The following ZHX2 variants were observed in gnomAD, a reference collection of about 807,000 sequenced individuals.
ZHX2 encodes the protein zinc fingers and homeoboxes protein 2.
In ZHX2, 6 loss-of-function variants were observed where a neutral mutation model predicts 21.9. That is an observed-to-expected ratio of 0.27 (90% CI 0.15 to 0.54). ZHX2 has a LOEUF of 0.54. Ranked by LOEUF, ZHX2 falls within the 20% of genes least tolerant of loss-of-function variation. The probability of loss-of-function intolerance (pLI) is 0.95; values close to 1 mark genes in which losing one functional copy is unlikely to be tolerated. For missense variants in ZHX2, 908 were observed against 1,090.7 expected (o/e 0.83, Z 2.36); for synonymous variants, 434 against 437.1 (o/e 0.99, Z 0.09).
chr8:122,904,085 C>T (rs1292848191), intron 2 of ZHX2, among the ~76,000 whole-genome samples: 1 of 152,024 alleles, frequency 6.6e-6, no homozygotes, highest in Non-Finnish European at 1.5e-5. Flanking sequence ...CTTTGTTTGG[C>T]TTGGTTCGTT....
At chr8:122,815,932 T>C (rs2130620341) in intron 1 of ZHX2, among the ~76,000 whole-genome samples, 1 of 151,910 alleles carries the variant, frequency 6.6e-6, no homozygotes, top group African/African-American at 2.4e-5. Flanking sequence ...ATACAAAAAT[T>C]AGCCAGGTGT....
intron 2 of ZHX2, among the ~76,000 whole-genome samples, chr8:122,903,412 C>A (rs192018469): frequency 2.6e-5 from 4 of 152,282 alleles, no homozygotes; most frequent in Non-Finnish European, 2.9e-5. Flanking sequence ...ATCTAACTGA[C>A]CTTCAGTAAT....
chr8:122,836,654 G>A (rs190524189), intron 1 of ZHX2, among the ~76,000 whole-genome samples: 3 of 152,356 alleles, frequency 2.0e-5, no homozygotes, highest in African/African-American at 4.8e-5. Flanking sequence ...CTAGTCTGAC[G>A]TAACTGCTAC....
chr8:122,955,078 G>A (rs540507736), intron 3 of ZHX2, among the ~76,000 whole-genome samples: 1 of 144,802 alleles, frequency 6.9e-6, no homozygotes, highest in African/African-American at 2.6e-5. Flanking sequence ...CCGGGGGGGG[G>A]GGGGTGGCAG....
At chr8:122,959,480 G>A (rs577543008) in intron 3 of ZHX2, among the ~76,000 whole-genome samples, 9 of 152,268 alleles carry the variant, frequency 5.9e-5, no homozygotes, top group African/African-American at 2.2e-4. Flanking sequence ...TCCTGTACCA[G>A]ACCCTTACCG....
intron 1 of ZHX2, among the ~76,000 whole-genome samples, chr8:122,811,227 A>G (rs1305305893): frequency 2.0e-5 from 3 of 152,008 alleles, no homozygotes; most frequent in Admixed American, 2.0e-4. Context: ...AAAAAAATAC[A>G]AAAATAGCTG....
At chr8:122,856,329 T>C (rs922814425) in intron 1 of ZHX2, among the ~76,000 whole-genome samples, 1 of 152,182 alleles carries the variant, frequency 6.6e-6, no homozygotes, top group Non-Finnish European at 1.5e-5. Context: ...TTGTCAAAGA[T>C]GATGTCTGCA....
intron 1 of ZHX2, among the ~76,000 whole-genome samples, chr8:122,847,714 C>A (rs556385118): frequency 5.9e-5 from 9 of 152,178 alleles, no homozygotes; most frequent in Non-Finnish European, 1.3e-4. Context: ...CCAAAGCTGG[C>A]GCCAGGGCCC....
At chr8:122,919,698 C>T (rs916867491) in intron 2 of ZHX2, among the ~76,000 whole-genome samples, 2 of 152,192 alleles carry the variant, frequency 1.3e-5, no homozygotes, top group Non-Finnish European at 2.9e-5. Flanking sequence ...TGGTAGCATC[C>T]CGTTTTGCAG....
At chr8:122,923,731 T>C (rs1820789453) in intron 2 of ZHX2, among the ~76,000 whole-genome samples, 3 of 152,148 alleles carry the variant, frequency 2.0e-5, no homozygotes, top group Admixed American at 2.0e-4. Context: ...ACATCACTCA[T>C]CACAGGCAAA....
At chr8:122,794,010 G>A (rs913105806) in intron 1 of ZHX2, among the ~76,000 whole-genome samples, 4 of 152,190 alleles carry the variant, frequency 2.6e-5, no homozygotes, top group African/African-American at 9.7e-5. Context: ...CGTACATGTG[G>A]GTTGGTGCCA....
chr8:122,883,557 A>G (rs908841221), intron 2 of ZHX2, among the ~76,000 whole-genome samples: 4 of 152,342 alleles, frequency 2.6e-5, no homozygotes, highest in East Asian at 3.9e-4. Flanking sequence ...CCACCACACT[A>G]TGCAGAATTG....
At chr8:122,896,225 C>CT (rs67928380) in intron 2 of ZHX2, among the ~76,000 whole-genome samples, 8,623 of 142,848 alleles carry the variant, frequency 0.06, 640 homozygotes, top group African/African-American at 0.18. Context: ...TACTAGGACT[C>CT]TTTTTTTTTT....
rs1563603957 is a variant in ZHX2 at position 122,953,445 on chromosome 8, C to T, written c.1935C>T (p.Ser645=). 1 of 1,614,220 alleles carries T rather than the reference C, an allele frequency of 6.2e-7. No homozygotes were observed. Among genetic ancestry groups the T allele is most frequent in the Non-Finnish European group, 8.5e-7 (1 of 1,180,050 alleles). The change falls in exon 3 of 4, where the codon AGC becomes AGT. Residue 645 remains serine (S), a synonymous_variant. Coordinates refer to ENST00000314393, the MANE Select transcript of ZHX2 (RefSeq NM_014943.5). This position sits in a 1 kb window ranked among gnomAD's most constrained non-coding sequence, Gnocchi z 4.6. ...AAGAACAGGTTCATCTCCTGAGGAG[C>T]ACGTTTGCAAGAACCCAGTGGCCTA... ...KSQEQVHLLR[S]TFARTQWPTP...
chr8:122,851,664 C>T (rs1818904545), intron 1 of ZHX2, among the ~76,000 whole-genome samples: 1 of 152,232 alleles, frequency 6.6e-6, no homozygotes, highest in African/African-American at 2.4e-5. Context: ...GGGCATTATT[C>T]TGGGCCAGGA....
chr8:122,866,976 C>T (rs1225050208), intron 2 of ZHX2, among the ~76,000 whole-genome samples: 1 of 146,866 alleles, frequency 6.8e-6, no homozygotes, highest in Non-Finnish European at 1.5e-5. Context: ...AGGTGCCTGC[C>T]ACCATGCCAG....
intron 1 of ZHX2, among the ~76,000 whole-genome samples, chr8:122,846,817 C>T (rs777633604): frequency 6.6e-6 from 1 of 151,946 alleles, no homozygotes; most frequent in Non-Finnish European, 1.5e-5. Flanking sequence ...AGTGTCATTC[C>T]GTTAAAAGAC....
At chr8:122,880,480 G>A (rs917342653) in intron 2 of ZHX2, among the ~76,000 whole-genome samples, 1 of 151,884 alleles carries the variant, frequency 6.6e-6, no homozygotes, top group Non-Finnish European at 1.5e-5. Flanking sequence ...TTGAGATAGA[G>A]ATGCTCATGA....
chr8:122,783,478 C>T (rs998283155), intron 1 of ZHX2, among the ~76,000 whole-genome samples: 6 of 152,032 alleles, frequency 3.9e-5, no homozygotes, highest in Middle Eastern at 6.8e-3. Context: ...CCCACAATTA[C>T]CCTCTTAAAA....
Sources: gnomAD v4.1 joint callset for allele counts (sites outside exome capture counted in the v4.1 genomes callset) on GRCh38, gnomAD v4.1.1 for gene constraint, Gnocchi (gnomAD v3.1) non-coding constraint, MANE v1.5 for transcripts, NCBI Gene and HGNC (gene_info 2026-07-23, HGNC 2026-07-21) for gene names.